PDZRN4: variants seen among roughly 807,000 people sequenced by gnomAD.
The protein encoded by PDZRN4 is PDZ domain-containing RING finger protein 4.
Under a neutral mutation model 99.0 loss-of-function variants are expected in PDZRN4, and 70 were observed. The ratio of observed to expected loss-of-function variants is 0.71; its 90% confidence interval spans 0.58 to 0.86. PDZRN4 has a LOEUF of 0.86. PDZRN4 is among the 40% of genes least tolerant of loss of function. PDZRN4 has a pLI of 0.00. For synonymous variants in PDZRN4, 551 were observed against 501.6 expected, an observed-to-expected ratio of 1.10 and a Z score of -1.32; for missense variants, 1,474 against 1,331.2, an observed-to-expected ratio of 1.11 and a Z score of -1.67.
intron 3 of PDZRN4, chr12:41,477,856 AT>A: frequency 6.5e-7 from 1 of 1,533,028 alleles, no homozygotes; most frequent in Non-Finnish European, 8.8e-7. Context: ...TTTTTCTTGC[AT>A]TTTTCAGGTA....
chr12:41,419,519 G>A (rs1482916761), intron 3 of PDZRN4, among the ~76,000 whole-genome samples: 3 of 152,138 alleles, frequency 2.0e-5, no homozygotes, highest in East Asian at 3.9e-4. Flanking sequence ...AGCCAGGTTG[G>A]TTGTGGTGCC....
At chr12:41,423,159 A>G (rs1006391469) in intron 3 of PDZRN4, among the ~76,000 whole-genome samples, 1 of 151,264 alleles carries the variant, frequency 6.6e-6, no homozygotes, top group African/African-American at 2.4e-5. Context: ...CTTTTTTTTT[A>G]TTATACTTTA....
intron 3 of PDZRN4, among the ~76,000 whole-genome samples, chr12:41,416,249 A>G (rs1038823125): frequency 6.6e-6 from 1 of 152,216 alleles, no homozygotes; most frequent in African/African-American, 2.4e-5. Context: ...GTAAATTTTT[A>G]TTTTAGAGGT....
chr12:41,475,675 T>C (rs1953035567), intron 3 of PDZRN4, among the ~76,000 whole-genome samples: 1 of 152,236 alleles, frequency 6.6e-6, no homozygotes, highest in Non-Finnish European at 1.5e-5. Flanking sequence ...GTCAATGGCA[T>C]AATATTAGCG....
chr12:41,524,826 A>C (rs1938545384), intron 5 of PDZRN4, among the ~76,000 whole-genome samples: 1 of 152,138 alleles, frequency 6.6e-6, no homozygotes, highest in Non-Finnish European at 1.5e-5. Context: ...ACACAGAGAA[A>C]GGTGGTAAGT....
intron 3 of PDZRN4, among the ~76,000 whole-genome samples, chr12:41,301,615 A>G (rs987913529): frequency 1.1e-4 from 17 of 152,084 alleles, no homozygotes; most frequent in African/African-American, 3.9e-4. Context: ...CATACTACAT[A>G]TTATAACCCC....
chr12:41,202,487 G>A lies in PDZRN4; in HGVS notation c.843+8299G>A, dbSNP rs117057211. Among the ~76,000 whole-genome samples the A allele has an allele frequency of 3.1e-3, 471 of 152,152 alleles. 1 individual carries two copies. Among genetic ancestry groups the A allele is most frequent in the Non-Finnish European group, 5.8e-3 (392 of 67,978 alleles). ...AAAGGAGAGAAAGGTGACTGACATG[G>A]GTTGGGTGGATTTGGTGCCTGATCC... On this transcript the variant is annotated intron_variant, in intron 3 of 9. Coordinates refer to ENST00000402685, the MANE Select transcript of PDZRN4 (RefSeq NM_001164595.2).
At chr12:41,257,050 C>A (rs989659373) in intron 3 of PDZRN4, among the ~76,000 whole-genome samples, 1 of 152,188 alleles carries the variant, frequency 6.6e-6, no homozygotes, top group African/African-American at 2.4e-5. Context: ...TGGACTGTGC[C>A]TCCTGCATCA....
chr12:41,421,491 C>G (rs955800724), intron 3 of PDZRN4, among the ~76,000 whole-genome samples: 1 of 152,132 alleles, frequency 6.6e-6, no homozygotes, highest in Non-Finnish European at 1.5e-5. Flanking sequence ...CCGTGCCCAG[C>G]CTATTTGTAT....
intron 3 of PDZRN4, among the ~76,000 whole-genome samples, chr12:41,466,221 C>A (rs1952923917): frequency 6.6e-6 from 1 of 152,082 alleles, no homozygotes; most frequent in African/African-American, 2.4e-5. Context: ...TGTGGGCCCG[C>A]CTATATTGCC....
intron 3 of PDZRN4, among the ~76,000 whole-genome samples, chr12:41,366,828 G>A (rs1308017198): frequency 1.3e-5 from 2 of 152,064 alleles, no homozygotes; most frequent in Admixed American, 1.3e-4. Context: ...TGTAAGATTA[G>A]GAAATTGCGA....
chr12:41,405,392 A>G (rs1952338867), intron 3 of PDZRN4, among the ~76,000 whole-genome samples: 1 of 152,192 alleles, frequency 6.6e-6, no homozygotes, highest in African/African-American at 2.4e-5. Flanking sequence ...CAAAACCACA[A>G]TGAGATGCCA....
chr12:41,247,109 G>T (rs1214017249), intron 3 of PDZRN4, among the ~76,000 whole-genome samples: 1 of 151,722 alleles, frequency 6.6e-6, no homozygotes, highest in East Asian at 1.9e-4. Context: ...GGAATCCCAG[G>T]GTCAAATAAT....
intron 3 of PDZRN4, among the ~76,000 whole-genome samples, chr12:41,420,541 C>T (rs1320570348): frequency 6.6e-6 from 1 of 152,104 alleles, no homozygotes; most frequent in East Asian, 1.9e-4. Flanking sequence ...ATGACTGATA[C>T]GTTCCAATCA....
chr12:41,544,503 A>C (rs2120777135), intron 5 of PDZRN4, among the ~76,000 whole-genome samples: 1 of 152,336 alleles, frequency 6.6e-6, no homozygotes, highest in Admixed American at 6.5e-5. Context: ...AAGAAAAAGA[A>C]GGCAAGGTGC....
At chr12:41,421,249 A>T (rs753103371) in intron 3 of PDZRN4, among the ~76,000 whole-genome samples, 2 of 151,888 alleles carry the variant, frequency 1.3e-5, no homozygotes, top group Non-Finnish European at 2.9e-5. Context: ...GTCACCCAGG[A>T]GTGCAATGGC....
intron 3 of PDZRN4, among the ~76,000 whole-genome samples, chr12:41,475,610 A>G (rs954405424): frequency 6.6e-6 from 1 of 152,214 alleles, no homozygotes; most frequent in African/African-American, 2.4e-5. Flanking sequence ...GATTATAAAT[A>G]GCAAAGTATT....
At chr12:41,408,758 T>TTCTCTCTCTC (rs150446588) in intron 3 of PDZRN4, among the ~76,000 whole-genome samples, 1 of 149,012 alleles carries the variant, frequency 6.7e-6, no homozygotes, top group African/African-American at 2.5e-5. Flanking sequence ...TCCTAAACAT[T>TTCTCTCTCTC]TCTCTCTCTC....
intron 3 of PDZRN4, among the ~76,000 whole-genome samples, chr12:41,379,722 T>G (rs1952109231): frequency 6.6e-6 from 1 of 152,018 alleles, no homozygotes; most frequent in Admixed American, 6.6e-5. Flanking sequence ...ACTTGATTTT[T>G]TTTTTAGTCT....
Sources: allele counts gnomAD v4.1 joint callset (sites outside exome capture counted in the v4.1 genomes callset), GRCh38; gene constraint gnomAD v4.1.1; transcripts MANE v1.5; gene names NCBI Gene and HGNC (gene_info 2026-07-23, HGNC 2026-07-21).